The following MSH3 variants were observed in gnomAD, a reference collection of about 807,000 sequenced individuals.
MSH3 encodes the protein mutS homolog 3.
Under a neutral mutation model 123.3 loss-of-function variants are expected in MSH3, and 106 were observed. The observed-to-expected ratio is 0.86, with a 90% CI of 0.73 to 1.01. The LOEUF (loss-of-function observed/expected upper bound fraction) is 1.01. Among genes scored for constraint, MSH3 ranks in the 50% least tolerant of loss-of-function variants. MSH3 has a pLI of 0.00. For synonymous variants in MSH3, 515 were observed against 481.4 expected, an observed-to-expected ratio of 1.07 and a Z score of -0.91; for missense variants, 1,459 against 1,347.6, an observed-to-expected ratio of 1.08 and a Z score of -1.29.
At chr5:80,705,455 C>G (rs1241548398) in intron 8 of MSH3, among the ~76,000 whole-genome samples, 1 of 152,154 alleles carries the variant, frequency 6.6e-6, no homozygotes, top group Admixed American at 6.5e-5. Flanking sequence ...AATATTTGCA[C>G]TCGTAATTGG....
At chr5:80,802,774 G>A (rs1015495864) in intron 19 of MSH3, among the ~76,000 whole-genome samples, 2 of 152,088 alleles carry the variant, frequency 1.3e-5, no homozygotes, top group Non-Finnish European at 2.9e-5. Flanking sequence ...ATCTCCATGA[G>A]TTTAATTGTT....
At chr5:80,839,068 T>G (rs914257501) in intron 20 of MSH3, among the ~76,000 whole-genome samples, 10 of 152,170 alleles carry the variant, frequency 6.6e-5, no homozygotes, top group African/African-American at 2.4e-4. Flanking sequence ...TGTTTTAACT[T>G]TAAATTAAAC....
intron 8 of MSH3, among the ~76,000 whole-genome samples, chr5:80,706,783 T>C (rs1033006535): frequency 1.3e-5 from 2 of 152,190 alleles, no homozygotes; most frequent in African/African-American, 4.8e-5. Flanking sequence ...GCACAGGAAT[T>C]TGTTTTTTTC....
chr5:80,679,757 C>T (rs764503403), intron 8 of MSH3, among the ~76,000 whole-genome samples: 1 of 152,160 alleles, frequency 6.6e-6, no homozygotes, highest in Non-Finnish European at 1.5e-5. Context: ...TGTGTGCATA[C>T]CTAACTGGAC....
At chr5:80,657,889 A>C (rs575217375) in intron 2 of MSH3, among the ~76,000 whole-genome samples, 2 of 152,270 alleles carry the variant, frequency 1.3e-5, no homozygotes, top group South Asian at 4.1e-4. Context: ...GGTTAATGTT[A>C]CAATTCTGGG....
intron 19 of MSH3, among the ~76,000 whole-genome samples, chr5:80,810,575 C>T (rs1449619810): frequency 2.0e-5 from 3 of 152,092 alleles, no homozygotes; most frequent in Non-Finnish European, 4.4e-5. Flanking sequence ...TACTGTGCTG[C>T]AGTGTCACCT....
intron 20 of MSH3, among the ~76,000 whole-genome samples, chr5:80,815,747 A>T (rs938750852): frequency 6.6e-6 from 1 of 152,210 alleles, no homozygotes; most frequent in Admixed American, 6.5e-5. Context: ...CCTTTCACTG[A>T]CCAGAACTGT....
At chr5:80,873,999 C>A (rs1485432967) in intron 23 of MSH3, among the ~76,000 whole-genome samples, 5 of 152,112 alleles carry the variant, frequency 3.3e-5, no homozygotes, top group Non-Finnish European at 7.3e-5. Context: ...ACTGCCCCAC[C>A]CCTGCCGTAC....
chr5:80,672,689 T>C (rs1381168357), intron 5 of MSH3, 52 bp from the exon 6 acceptor site: 14 of 1,429,288 alleles, frequency 9.8e-6, no homozygotes, highest in Non-Finnish European at 1.4e-5. Flanking sequence ...AAATGAGTTT[T>C]TACAAGTCAT....
chr5:80,704,930 C>T (rs191509536), intron 8 of MSH3, among the ~76,000 whole-genome samples: 13 of 152,214 alleles, frequency 8.5e-5, no homozygotes, highest in Non-Finnish European at 1.8e-4. Flanking sequence ...GAATAATGGT[C>T]TGGGTACAGT....
At chr5:80,789,110 C>G (rs532154826) in intron 18 of MSH3, among the ~76,000 whole-genome samples, 1 of 152,116 alleles carries the variant, frequency 6.6e-6, no homozygotes, top group Non-Finnish European at 1.5e-5. Flanking sequence ...AAGTGAAAAT[C>G]TTCCTGGTAA....
At position 80,859,671 on chromosome 5, in the gene MSH3, T is replaced by C. The variant is rs553209157; in HGVS notation, c.3001-5142T>C. The stretch of plus-strand genomic sequence containing the variant: ...TGTCTTCCACTGTTTTTCTGTCTTA[T>C]GTGGTTTTAACTGAGTATTTTATAT... On this transcript the variant is annotated intron_variant, in intron 21 of 23. Coordinates refer to ENST00000265081, the MANE Select transcript of MSH3 (RefSeq NM_002439.5). 4.6e-5 allele frequency among the ~76,000 whole-genome samples: 7 copies of C among 152,146 alleles called. No individual in the cohort carries two copies. In the East Asian group the frequency reaches 5.8e-4, roughly 13 times the overall value.
intron 20 of MSH3, among the ~76,000 whole-genome samples, chr5:80,826,195 C>G (rs1467461521): frequency 6.6e-6 from 1 of 152,184 alleles, no homozygotes; most frequent in Non-Finnish European, 1.5e-5. Context: ...AGGTGGTACA[C>G]AAGAATTAGC....
chr5:80,850,295 G>T (rs965880065), intron 20 of MSH3, among the ~76,000 whole-genome samples: 3 of 152,088 alleles, frequency 2.0e-5, no homozygotes, highest in Admixed American at 6.6e-5. Flanking sequence ...CCTCCAAACT[G>T]TTGCAACCTC....
chr5:80,847,165 T>C (rs1345537204), intron 20 of MSH3, among the ~76,000 whole-genome samples: 1 of 152,004 alleles, frequency 6.6e-6, no homozygotes, highest in African/African-American at 2.4e-5. Flanking sequence ...GCTCAAGCGA[T>C]TTTCCTGCCT....
intron 8 of MSH3, among the ~76,000 whole-genome samples, chr5:80,689,242 T>C (rs917979140): frequency 6.6e-6 from 1 of 152,186 alleles, no homozygotes; most frequent in Non-Finnish European, 1.5e-5. Flanking sequence ...ACTGGAGCTG[T>C]TTCATTGAGG....
chr5:80,770,901 G>C (rs1490833835), intron 15 of MSH3, among the ~76,000 whole-genome samples: 1 of 152,184 alleles, frequency 6.6e-6, no homozygotes, highest in Admixed American at 6.5e-5. Context: ...TTCATTATGA[G>C]TGTGGCATTG....
intron 2 of MSH3, among the ~76,000 whole-genome samples, chr5:80,660,139 A>G (rs1195904702): frequency 6.6e-6 from 1 of 152,130 alleles, no homozygotes; most frequent in East Asian, 1.9e-4. Flanking sequence ...TTGGACTTAC[A>G]GTTCCACATG....
chr5:80,717,480 T>C (rs562805158), intron 8 of MSH3, among the ~76,000 whole-genome samples: 1 of 152,270 alleles, frequency 6.6e-6, no homozygotes, highest in East Asian at 1.9e-4. Context: ...TAGGCTGGTC[T>C]CAAACTCCTG....
Sources: gnomAD v4.1 joint callset for allele counts (sites outside exome capture counted in the v4.1 genomes callset) on GRCh38, gnomAD v4.1.1 for gene constraint, MANE v1.5 for transcripts, NCBI Gene and HGNC (gene_info 2026-07-23, HGNC 2026-07-21) for gene names.